Variants in CCDC91 observed in about 807,000 individuals in gnomAD.
CCDC91 encodes coiled-coil domain containing 91, also known as coiled-coil domain-containing protein 91.
CCDC91 carries 48 observed loss-of-function variants against 63.2 expected under a neutral mutation model. That is an observed-to-expected ratio of 0.76 (90% CI 0.60 to 0.97). The LOEUF is 0.97. CCDC91 is among the 50% of genes least tolerant of loss of function. CCDC91 has a pLI of 0.00. For synonymous variants in CCDC91, 167 were observed against 165.8 expected (o/e 1.01, Z -0.06); for missense variants, 500 against 494.6 (o/e 1.01, Z -0.10).
At chr12:28,270,339 G>T (rs1395982601) in intron 3 of CCDC91, among the ~76,000 whole-genome samples, 1 of 152,094 alleles carries the variant, frequency 6.6e-6, no homozygotes, top group Non-Finnish European at 1.5e-5. Context: ...GTTTGCTAAA[G>T]ATATGAAGAG....
intron 12 of CCDC91, among the ~76,000 whole-genome samples, chr12:28,532,975 C>T (rs1037688108): frequency 3.3e-5 from 5 of 152,052 alleles, no homozygotes; most frequent in South Asian, 4.1e-4. Context: ...GTTTGAAAAC[C>T]GTCTCAAAAC....
At chr12:28,419,525 A>G (rs2139876957) in intron 8 of CCDC91, among the ~76,000 whole-genome samples, 1 of 152,304 alleles carries the variant, frequency 6.6e-6, no homozygotes, top group South Asian at 2.1e-4. Flanking sequence ...AAGCAGATGT[A>G]GCAGTATTAG....
rs527310374 is a variant in CCDC91, at chr12:28,393,977, A to G, written c.762+2566A>G. 9.2e-5 allele frequency among the ~76,000 whole-genome samples: 14 copies of G among 152,366 alleles called. No homozygotes were observed. The South Asian group carries it at 2.9e-3, about 32-fold the overall frequency. On this transcript the variant is annotated intron_variant, in intron 8 of 12. Coordinates refer to ENST00000536442, the MANE Select transcript of CCDC91 (RefSeq NM_018318.5). ...TTAAGAAAGCAGTTTCATTTACAAT[A>G]GTATCTACGTTTAACCAAGGTGATA...
intron 12 of CCDC91, among the ~76,000 whole-genome samples, chr12:28,526,999 T>C (rs1319086780): frequency 2.6e-5 from 4 of 152,162 alleles, no homozygotes; most frequent in African/African-American, 9.6e-5. Context: ...TGAATAGTTC[T>C]CCTTTCACTT....
chr12:28,360,491 A>G (rs1296078304), intron 6 of CCDC91, among the ~76,000 whole-genome samples: 1 of 152,156 alleles, frequency 6.6e-6, no homozygotes, highest in Non-Finnish European at 1.5e-5. Context: ...TTAGGCAGTA[A>G]CACCCAGCAA....
At position 28,402,734 on chromosome 12, in the gene CCDC91, G is replaced by T. The variant is rs541122708; in HGVS notation, c.762+11323G>T. Among the ~76,000 whole-genome samples, 15 of 152,024 alleles carry T rather than the reference G, an allele frequency of 9.9e-5. No homozygotes were observed. The East Asian group carries it at 2.7e-3, about 27-fold the overall frequency. ...ACTTGCCTTATTCCTGATTTTATTGGAAAAGCTTCTAGTTTTTCACCATTA... is the reference window on the plus strand; with the variant it reads ...ACTTGCCTTATTCCTGATTTTATTGTAAAAGCTTCTAGTTTTTCACCATTA... On this transcript the variant is annotated intron_variant, in intron 8 of 12. Coordinates refer to ENST00000536442, the MANE Select transcript of CCDC91 (RefSeq NM_018318.5).
At chr12:28,263,634 A>G (rs777310508) in intron 3 of CCDC91, among the ~76,000 whole-genome samples, 21 of 152,042 alleles carry the variant, frequency 1.4e-4, no homozygotes, top group Non-Finnish European at 2.6e-4. Context: ...ACTATTGCAA[A>G]TAATGCTGCT....
At chr12:28,288,757 G>T (rs887696112) in intron 3 of CCDC91, among the ~76,000 whole-genome samples, 1 of 152,164 alleles carries the variant, frequency 6.6e-6, no homozygotes, top group African/African-American at 2.4e-5. Flanking sequence ...AGTAGGAATA[G>T]TACCAGTTGT....
intron 1 of CCDC91, among the ~76,000 whole-genome samples, chr12:28,209,052 TGCCTCA>T (rs1306029620): frequency 2.0e-5 from 3 of 152,048 alleles, no homozygotes; most frequent in Non-Finnish European, 4.4e-5. Flanking sequence ...ATGATCTGCC[TGCCTCA>T]GCCTCCCAAA....
intron 8 of CCDC91, among the ~76,000 whole-genome samples, chr12:28,436,456 T>A (rs191087077): frequency 9.9e-5 from 15 of 151,966 alleles, no homozygotes; most frequent in African/African-American, 3.6e-4. Context: ...CAGCAGATAT[T>A]AATATATGCA....
Position 28,342,799 on chromosome 12 carries a change from A to G in CCDC91, c.577-19639A>G, listed in dbSNP as rs536119834. On this transcript the variant is annotated intron_variant, in intron 6 of 12. Coordinates refer to ENST00000536442, the MANE Select transcript of CCDC91 (RefSeq NM_018318.5). Reference sequence around the variant, plus strand: ...AGGTACATACAGACTAGTGGATGTAATAGGCATATGTGGAAAGGCATTTCT... The same window carrying G: ...AGGTACATACAGACTAGTGGATGTAGTAGGCATATGTGGAAAGGCATTTCT... Among the ~76,000 whole-genome samples the G allele has an allele frequency of 3.9e-5, 6 of 152,312 alleles. No individual in the cohort carries two copies. In the East Asian group the frequency reaches 1.2e-3, roughly 29 times the overall value.
At chr12:28,328,430 A>G (rs1941212422) in intron 6 of CCDC91, among the ~76,000 whole-genome samples, 1 of 152,192 alleles carries the variant, frequency 6.6e-6, no homozygotes. Flanking sequence ...GCCAAGAAAA[A>G]AATAAGTCTG....
intron 12 of CCDC91, among the ~76,000 whole-genome samples, chr12:28,488,190 A>G (rs980726404): frequency 6.6e-6 from 1 of 151,816 alleles, no homozygotes; most frequent in African/African-American, 2.4e-5. Flanking sequence ...CTATTTACCA[A>G]TTTTTATGTG....
At chr12:28,298,937 A>G (rs1204157274) in intron 3 of CCDC91, among the ~76,000 whole-genome samples, 2 of 151,520 alleles carry the variant, frequency 1.3e-5, no homozygotes, top group African/African-American at 4.8e-5. Context: ...TTTCACTGAT[A>G]AATAATTGAT....
intron 12 of CCDC91, among the ~76,000 whole-genome samples, chr12:28,533,759 CAG>C (rs1371819637): frequency 6.6e-6 from 1 of 151,026 alleles, no homozygotes; most frequent in Admixed American, 6.6e-5. Flanking sequence ...AATAAAATAA[CAG>C]AATAATGAGA....
At chr12:28,415,480 A>C (rs549193584) in intron 8 of CCDC91, among the ~76,000 whole-genome samples, 3 of 152,266 alleles carry the variant, frequency 2.0e-5, no homozygotes, top group East Asian at 1.9e-4. Context: ...TCAGCCTCCC[A>C]AAGTGCTGGG....
chr12:28,278,398 A>G (rs1458862522), intron 3 of CCDC91, among the ~76,000 whole-genome samples: 2 of 152,014 alleles, frequency 1.3e-5, no homozygotes, highest in Non-Finnish European at 2.9e-5. Flanking sequence ...ATCCAGATTT[A>G]TGCCATCATT....
chr12:28,402,649 T>G (rs1336983084), intron 8 of CCDC91, among the ~76,000 whole-genome samples: 7 of 151,882 alleles, frequency 4.6e-5, no homozygotes, highest in Non-Finnish European at 7.4e-5. Flanking sequence ...CCTTTTTTTG[T>G]ATTACTGCAT....
chr12:28,210,947 CT>C (rs1943194420), intron 1 of CCDC91, among the ~76,000 whole-genome samples: 1 of 151,160 alleles, frequency 6.6e-6, no homozygotes, highest in Admixed American at 6.6e-5. Flanking sequence ...TTATTTTTTT[CT>C]TTTTCTTCTT....
Sources: allele counts gnomAD v4.1 joint callset (sites outside exome capture counted in the v4.1 genomes callset), GRCh38; gene constraint gnomAD v4.1.1; transcripts MANE v1.5; gene names NCBI Gene and HGNC (gene_info 2026-07-23, HGNC 2026-07-21).